Variants in CPXM2 observed in about 807,000 individuals in gnomAD.
The protein encoded by CPXM2 is carboxypeptidase X, M14 family member 2, also known as inactive carboxypeptidase-like protein X2.
A neutral mutation model predicts 86.1 loss-of-function variants in CPXM2; 66 were observed. The ratio of observed to expected loss-of-function variants is 0.77; its 90% confidence interval spans 0.63 to 0.94. The LOEUF is 0.94. Ranked by LOEUF, CPXM2 falls within the 40% of genes least tolerant of loss-of-function variation. The probability of loss-of-function intolerance (pLI) is 0.00; values close to 1 mark genes in which losing one functional copy is unlikely to be tolerated. For synonymous variants in CPXM2, 388 were observed against 400.2 expected, an observed-to-expected ratio of 0.97 and a Z score of 0.36; for missense variants, 948 against 1,026.3, an observed-to-expected ratio of 0.92 and a Z score of 1.04.
intron 2 of CPXM2, among the ~76,000 whole-genome samples, chr10:123,923,522 A>G (rs908798619): frequency 2.6e-5 from 4 of 151,396 alleles, no homozygotes; most frequent in East Asian, 1.9e-4. Flanking sequence ...CGGAGCTTGC[A>G]GTGAGCCGAG....
At position 123,898,474 on chromosome 10, in the gene CPXM2, T is replaced by TA. The variant is rs1391441213; in HGVS notation, n.175-18166dup. 5.0e-3 allele frequency among the ~76,000 whole-genome samples: 764 copies of TA among 151,912 alleles called. 4 individuals carry two copies. Among genetic ancestry groups the TA allele is most frequent in the African/African-American group, 0.018 (731 of 41,424 alleles). ...AGTGAGACCTTATCTCAAAAAAATA[T>TA]ATATATCTTTTTAATTAGCCAGGAG... On this transcript the variant is annotated intron_variant and non_coding_transcript_variant, in intron 2 of 19. Coordinates refer to the CPXM2 transcript ENST00000368854.
intron 2 of CPXM2, among the ~76,000 whole-genome samples, chr10:123,928,108 G>A (rs1278401451): frequency 6.6e-6 from 1 of 152,154 alleles, no homozygotes; most frequent in South Asian, 2.1e-4. Context: ...ACTCCTATCA[G>A]CCTGCCTTCT....
At chr10:123,908,621 C>T (rs1945463891) in intron 2 of CPXM2, among the ~76,000 whole-genome samples, 1 of 152,052 alleles carries the variant, frequency 6.6e-6, no homozygotes, top group African/African-American at 2.4e-5. Flanking sequence ...AGAGGGGCCA[C>T]CTGGTCCATC....
intron 3 of CPXM2, among the ~76,000 whole-genome samples, chr10:123,855,694 G>A (rs1848707665): frequency 6.6e-6 from 1 of 152,114 alleles, no homozygotes; most frequent in Non-Finnish European, 1.5e-5. Flanking sequence ...TCATGCGGGG[G>A]TACAAATGAA....
Position 123,751,677 on chromosome 10 carries a change from C to T in CPXM2, c.2017+2986G>A, listed in dbSNP as rs1032339948. The T allele has an allele frequency of 5.1e-6, 5 of 985,276 alleles. No individual in the cohort carries two copies. The South Asian group carries it at 1.9e-4, about 37-fold the overall frequency. 61.0% of individuals were successfully genotyped at this position (985,276 alleles called of 1,614,324 possible). ...CCTCCCTGTGGAATTCCATTTAATA[C>T]CCCTGTTTATTTTATGCAAAATCCA... On this transcript the variant is annotated intron_variant, in intron 13 of 13. Transcript: ENST00000241305.
At chr10:123,919,946 T>C (rs1400922064) in intron 2 of CPXM2, among the ~76,000 whole-genome samples, 2 of 152,120 alleles carry the variant, frequency 1.3e-5, no homozygotes, top group South Asian at 2.1e-4. Context: ...AACAATCAGA[T>C]CTCATGGGAA....
At chr10:123,940,395 CTG>C (rs1945763597), upstream of CPXM2, 1 of 152,304 alleles carries the variant, frequency 6.6e-6, no homozygotes, top group Admixed American at 6.5e-5. Flanking sequence ...GCACAGGACT[CTG>C]TGTCCTTGTG....
intron 2 of CPXM2, among the ~76,000 whole-genome samples, chr10:123,874,082 C>CA (rs1402644319): frequency 6.6e-6 from 1 of 151,926 alleles, no homozygotes; most frequent in Non-Finnish European, 1.5e-5. Context: ...GTGGTTGTCT[C>CA]AAACTCCTGA....
chr10:123,765,103 C>T (rs374760283), intron 10 of CPXM2, among the ~76,000 whole-genome samples: 14 of 152,156 alleles, frequency 9.2e-5, no homozygotes, highest in East Asian at 7.7e-4. Flanking sequence ...GTCTGTCTGA[C>T]ACCTATTCTC....
At chr10:123,875,404 T>C (rs578074488) in intron 2 of CPXM2, among the ~76,000 whole-genome samples, 25 of 152,258 alleles carry the variant, frequency 1.6e-4, no homozygotes, top group African/African-American at 5.8e-4. Flanking sequence ...GTCACTCCCA[T>C]AGGAGTCTGA....
chr10:123,925,040 G>T (rs1395279037), intron 2 of CPXM2, among the ~76,000 whole-genome samples: 1 of 151,322 alleles, frequency 6.6e-6, no homozygotes. Context: ...ATATTGTTAG[G>T]AAGTAAGTGC....
upstream of CPXM2, among the ~76,000 whole-genome samples, chr10:123,943,731 T>C (rs7077594): frequency 0.37 from 56,784 of 152,078 alleles, 12,812 homozygotes; most frequent in African/African-American, 0.64. Flanking sequence ...AGGCAGAAGC[T>C]CAGGGCCCAG....
chr10:123,921,367 T>C (rs1249934366), intron 2 of CPXM2, among the ~76,000 whole-genome samples: 1 of 152,234 alleles, frequency 6.6e-6, no homozygotes, highest in Non-Finnish European at 1.5e-5. Context: ...TTCTTAATTC[T>C]GTTTACAAAG....
intron 9 of CPXM2, 105 bp downstream of exon 9, chr10:123,768,421 A>AAAGC (rs1846542771): frequency 1.9e-6 from 1 of 522,910 alleles, no homozygotes; most frequent in Admixed American, 4.2e-5. Context: ...ATAAATAAAT[A>AAAGC]AAGCTCGGAA....
intron 2 of CPXM2, among the ~76,000 whole-genome samples, chr10:123,910,160 C>T (rs948849207): frequency 6.6e-6 from 1 of 152,174 alleles, no homozygotes; most frequent in Non-Finnish European, 1.5e-5. Context: ...GGCCCACCTG[C>T]ACATTCGCGC....
intron 6 of CPXM2, among the ~76,000 whole-genome samples, chr10:123,795,376 G>A (rs770966263): frequency 3.3e-5 from 5 of 152,106 alleles, no homozygotes; most frequent in Admixed American, 1.3e-4. Flanking sequence ...ACCCTCATCC[G>A]CCCCCACCGG....
chr10:123,780,110 T>C (rs1284676937), intron 7 of CPXM2, 57 bp downstream of exon 7: 2 of 1,107,064 alleles, frequency 1.8e-6, no homozygotes, highest in Admixed American at 1.7e-5. Flanking sequence ...TATGGACACA[T>C]AATATGTTGC....
chr10:123,823,671 T>A (rs1443398083), intron 4 of CPXM2, among the ~76,000 whole-genome samples: 3 of 151,908 alleles, frequency 2.0e-5, no homozygotes, highest in Non-Finnish European at 4.4e-5. Flanking sequence ...AGAGACAAAA[T>A]GAGAAAGAGA....
At chr10:123,863,301 T>C (rs1010132011) in intron 2 of CPXM2, among the ~76,000 whole-genome samples, 3 of 152,174 alleles carry the variant, frequency 2.0e-5, no homozygotes, top group African/African-American at 7.2e-5. Flanking sequence ...GGGCTGCTGT[T>C]TGCCCCCACG....
Sources: allele counts gnomAD v4.1 joint callset (sites outside exome capture counted in the v4.1 genomes callset), GRCh38; gene constraint gnomAD v4.1.1; transcripts MANE v1.5; gene names NCBI Gene and HGNC (gene_info 2026-07-23, HGNC 2026-07-21).